Variants in RBFOX1 observed in about 807,000 individuals in gnomAD.
The protein encoded by RBFOX1 is RNA binding protein fox-1 homolog 1.
RBFOX1 carries 8 observed loss-of-function variants against 57.7 expected under a neutral mutation model. That is an observed-to-expected ratio of 0.14 (90% CI 0.08 to 0.25). RBFOX1 has a LOEUF of 0.25. RBFOX1 is among the 10% of genes least tolerant of loss of function. RBFOX1 has a pLI of 1.00. For synonymous variants in RBFOX1, 326 were observed against 222.4 expected (o/e 1.47, Z -4.15); for missense variants, 611 against 548.5 (o/e 1.11, Z -1.14).
At chr16:7,241,020 G>A (rs1478143058) in intron 4 of RBFOX1, among the ~76,000 whole-genome samples, 1 of 152,040 alleles carries the variant, frequency 6.6e-6, no homozygotes, top group African/African-American at 2.4e-5. Context: ...TATCTGTTCT[G>A]GCTATCGTGA....
intron 2 of RBFOX1, among the ~76,000 whole-genome samples, chr16:6,521,686 T>G (rs558841355): frequency 6.6e-6 from 1 of 152,250 alleles, no homozygotes; most frequent in East Asian, 1.9e-4. Flanking sequence ...TATAGCCTTG[T>G]TTGGATAGCC....
intron 2 of RBFOX1, among the ~76,000 whole-genome samples, chr16:6,615,434 C>G (rs576746340): frequency 4.6e-5 from 7 of 152,052 alleles, no homozygotes; most frequent in African/African-American, 1.7e-4. Context: ...GCTGGGTGTG[C>G]TGGTGGGTGC....
At chr16:7,461,385 G>T (rs969181016) in intron 4 of RBFOX1, among the ~76,000 whole-genome samples, 1 of 152,028 alleles carries the variant, frequency 6.6e-6, no homozygotes, top group Admixed American at 6.6e-5. Flanking sequence ...CCAGGATGGT[G>T]TCCATCTGTT....
chr16:5,634,462 G>A, intron 3 of RBFOX1, among the ~76,000 whole-genome samples: 1 of 152,008 alleles, frequency 6.6e-6, no homozygotes, highest in East Asian at 1.9e-4. Context: ...AATTGCAAAG[G>A]GAGTAAACAA....
intron 1 of RBFOX1, among the ~76,000 whole-genome samples, chr16:5,394,509 T>C (rs2066496320): frequency 1.3e-5 from 2 of 152,072 alleles, no homozygotes; most frequent in Non-Finnish European, 2.9e-5. Flanking sequence ...ATCTCTTTTT[T>C]ACCCCTTCTT....
At chr16:6,277,209 C>G (rs2152689281) in intron 1 of RBFOX1, among the ~76,000 whole-genome samples, 1 of 151,540 alleles carries the variant, frequency 6.6e-6, no homozygotes, top group East Asian at 1.9e-4. Flanking sequence ...ACCTGTAATC[C>G]CAGCACTTTG....
At chr16:5,648,325 C>T (rs868576728) in intron 3 of RBFOX1, among the ~76,000 whole-genome samples, 9 of 152,176 alleles carry the variant, frequency 5.9e-5, no homozygotes, top group Non-Finnish European at 1.2e-4. Context: ...GGTAGTGCAA[C>T]TAAAAAACCA....
At chr16:6,783,823 C>T (rs887203806) in intron 3 of RBFOX1, among the ~76,000 whole-genome samples, 1 of 152,116 alleles carries the variant, frequency 6.6e-6, no homozygotes, top group Admixed American at 6.5e-5. Flanking sequence ...CCTTATAAGA[C>T]AGATCTAGTG....
chr16:5,495,605 C>T (rs34320358), intron 2 of RBFOX1, among the ~76,000 whole-genome samples: 14,083 of 152,234 alleles, frequency 0.093, 732 homozygotes, highest in African/African-American at 0.12. Context: ...GGAGTGTGGG[C>T]CAAGCTGGCT....
chr16:5,427,720 C>A (rs974846779), intron 1 of RBFOX1, among the ~76,000 whole-genome samples: 2 of 152,208 alleles, frequency 1.3e-5, no homozygotes, highest in Non-Finnish European at 2.9e-5. Context: ...AGAATTTCCT[C>A]TTGCTCCCGA....
chr16:5,959,766 C>T (rs980691573), intron 4 of RBFOX1, among the ~76,000 whole-genome samples: 2 of 152,078 alleles, frequency 1.3e-5, no homozygotes, highest in Non-Finnish European at 1.5e-5. Context: ...GAGCCGAGAT[C>T]GCACCACTGA....
chr16:7,010,946 G>GCAAGA (rs1344054787), intron 3 of RBFOX1, among the ~76,000 whole-genome samples: 1 of 152,200 alleles, frequency 6.6e-6, no homozygotes, highest in Non-Finnish European at 1.5e-5. Flanking sequence ...TCTTAGCAGG[G>GCAAGA]CCTTGGGCAA....
chr16:6,824,507 C>T (rs1238764550), intron 3 of RBFOX1, among the ~76,000 whole-genome samples: 1 of 152,144 alleles, frequency 6.6e-6, no homozygotes, highest in Non-Finnish European at 1.5e-5. Flanking sequence ...TTCTATATTT[C>T]ATTTTTTAAA....
intron 1 of RBFOX1, among the ~76,000 whole-genome samples, chr16:6,217,930 C>G (rs897302729): frequency 6.6e-6 from 1 of 152,198 alleles, no homozygotes; most frequent in Non-Finnish European, 1.5e-5. Context: ...GCATGAGAAT[C>G]ACTTAAACCG....
At chr16:6,800,766 G>T (rs1004645454) in intron 3 of RBFOX1, among the ~76,000 whole-genome samples, 107 of 152,250 alleles carry the variant, frequency 7.0e-4, no homozygotes, top group African/African-American at 2.6e-3. Context: ...TCTCTAGAAA[G>T]CAGTAGATGA....
intron 4 of RBFOX1, among the ~76,000 whole-genome samples, chr16:5,988,206 T>C (rs1211141892): frequency 1.3e-5 from 2 of 152,212 alleles, no homozygotes; most frequent in Non-Finnish European, 2.9e-5. Context: ...TATCTGTTCA[T>C]CATTTAACTC....
intron 4 of RBFOX1, among the ~76,000 whole-genome samples, chr16:5,882,361 A>C (rs1269601303): frequency 2.0e-5 from 3 of 152,194 alleles, no homozygotes; most frequent in Non-Finnish European, 2.9e-5. Flanking sequence ...GCGGATGAGC[A>C]ATTTACAGGA....
intron 1 of RBFOX1, among the ~76,000 whole-genome samples, chr16:6,026,807 G>A (rs762721206): frequency 1.4e-4 from 21 of 152,290 alleles, no homozygotes; most frequent in Non-Finnish European, 2.9e-4. Flanking sequence ...CTAGGCTCAC[G>A]CTCTGAGTAT....
intron 3 of RBFOX1, among the ~76,000 whole-genome samples, chr16:6,755,401 G>T (rs1360263664): frequency 3.9e-5 from 6 of 152,156 alleles, no homozygotes. Context: ...CATTCTAACT[G>T]GTGTGAGATG....
Sources: allele counts gnomAD v4.1 joint callset (sites outside exome capture counted in the v4.1 genomes callset), GRCh38; gene constraint gnomAD v4.1.1; transcripts MANE v1.5; gene names NCBI Gene and HGNC (gene_info 2026-07-23, HGNC 2026-07-21).